CCSER1: variants seen among roughly 807,000 people sequenced by gnomAD.
CCSER1 encodes the protein serine-rich coiled-coil domain-containing protein 1.
In CCSER1, 41 loss-of-function variants were observed where a neutral mutation model predicts 82.0. That is an observed-to-expected ratio of 0.50 (90% CI 0.39 to 0.65). The LOEUF is 0.65. CCSER1 is among the 30% of genes least tolerant of loss of function. The probability of loss-of-function intolerance (pLI) is 0.00; values close to 1 mark genes in which losing one functional copy is unlikely to be tolerated. For synonymous variants in CCSER1, 414 were observed against 383.9 expected (o/e 1.08, Z -0.92); for missense variants, 1,119 against 1,064.2 (o/e 1.05, Z -0.72).
chr4:90,379,698 G>A (rs760035794), intron 3 of CCSER1, among the ~76,000 whole-genome samples: 10 of 152,118 alleles, frequency 6.6e-5, no homozygotes, highest in Non-Finnish European at 1.2e-4. Flanking sequence ...TACAGACACT[G>A]GGATATATAT....
intron 8 of CCSER1, among the ~76,000 whole-genome samples, chr4:90,854,594 A>G (rs1156386302): frequency 6.6e-6 from 1 of 152,168 alleles, no homozygotes; most frequent in Non-Finnish European, 1.5e-5. Context: ...TTTGGCCTGA[A>G]TACTCCACTT....
At position 90,468,220 on chromosome 4, in the gene CCSER1, G is replaced by T. The variant is rs753258145; in HGVS notation, c.1604-14G>T. 8 of 1,579,202 alleles carry T rather than the reference G, an allele frequency of 5.1e-6. No homozygotes were observed. The highest frequency in any genetic ancestry group is 1.3e-5 in the African/African-American group (1 of 74,310). On this transcript the variant is annotated splice_polypyrimidine_tract_variant and intron_variant, in intron 4 of 10. Transcript: ENST00000509176. ...TAATTTTGACATTTACAATTCCTCG[G>T]TTTTTTTGAACAGTTTGCCGGGAGG...
intron 9 of CCSER1, among the ~76,000 whole-genome samples, chr4:91,005,105 A>G (rs35138418): frequency 0.34 from 52,148 of 151,986 alleles, 9,262 homozygotes; most frequent in Non-Finnish European, 0.38. Flanking sequence ...CTCTGGCATC[A>G]CCCTAGGAAA....
At chr4:90,619,267 C>A (rs1414030311) in intron 5 of CCSER1, among the ~76,000 whole-genome samples, 1 of 151,718 alleles carries the variant, frequency 6.6e-6, no homozygotes, top group African/African-American at 2.4e-5. Flanking sequence ...TAAAATTTCC[C>A]AAATAAAATT....
Position 91,562,266 on chromosome 4 carries a change from G to T in CCSER1, c.2218-36306G>T, listed in dbSNP as rs140865833. 3.0e-3 allele frequency among the ~76,000 whole-genome samples: 455 copies of T among 151,300 alleles called. 5 individuals are homozygous for T. Among genetic ancestry groups the T allele is most frequent in the African/African-American group, 0.01 (414 of 41,396 alleles). On this transcript the variant is annotated intron_variant, in intron 10 of 10. Coordinates refer to ENST00000509176, the MANE Select transcript of CCSER1 (RefSeq NM_001145065.2). ...TTGAAGTGTTTTTTTTCAAAATTGTGAACTTTTATGTCTTTAAAATTGGAT... is the reference window on the plus strand; with the variant it reads ...TTGAAGTGTTTTTTTTCAAAATTGTTAACTTTTATGTCTTTAAAATTGGAT...
rs114079727 is a variant in CCSER1 at position 91,585,242 on chromosome 4, G to A, written c.2218-13330G>A. 6.4e-4 allele frequency among the ~76,000 whole-genome samples: 97 copies of A among 151,472 alleles called. 2 individuals carry two copies. Among genetic ancestry groups the A allele is most frequent in the Admixed American group, 5.6e-3 (84 of 15,118 alleles). On this transcript the variant is annotated intron_variant, in intron 10 of 10. Transcript: ENST00000509176. ...CTTACTCCTTATTCGTGATGCCCAG[G>A]ATGCCTTTCTGACTTTTCAGTAATC...
chr4:90,901,996 G>T (rs1309892461), intron 8 of CCSER1, among the ~76,000 whole-genome samples: 4 of 151,316 alleles, frequency 2.6e-5, no homozygotes, highest in South Asian at 2.1e-4. Context: ...AAGTTCTTTT[G>T]GCTTTATTTT....
chr4:90,145,933 TAAAC>T (rs1189857012), intron 1 of CCSER1, among the ~76,000 whole-genome samples: 1 of 152,024 alleles, frequency 6.6e-6, no homozygotes, highest in East Asian at 1.9e-4. Context: ...CATTGACAAA[TAAAC>T]AGCTGAAGAT....
chr4:90,803,680 G>A (rs1024001559), intron 7 of CCSER1, among the ~76,000 whole-genome samples: 25 of 152,090 alleles, frequency 1.6e-4, no homozygotes, highest in African/African-American at 4.1e-4. Flanking sequence ...ATATGTGTGT[G>A]TGTGTCTTTA....
chr4:91,569,370 GAAAGGA>G (rs1763052474), intron 10 of CCSER1, among the ~76,000 whole-genome samples: 1 of 152,166 alleles, frequency 6.6e-6, no homozygotes, highest in Non-Finnish European at 1.5e-5. Flanking sequence ...GGTAGAAGAG[GAAAGGA>G]TCTTAGTAGT....
At chr4:91,556,610 A>AT (rs1762418266) in intron 10 of CCSER1, among the ~76,000 whole-genome samples, 1 of 151,116 alleles carries the variant, frequency 6.6e-6, no homozygotes, top group African/African-American at 2.4e-5. Context: ...ATAAATTAAT[A>AT]ATTACTGGAT....
intron 10 of CCSER1, among the ~76,000 whole-genome samples, chr4:91,369,615 C>T (rs534681312): frequency 1.9e-4 from 28 of 148,732 alleles, no homozygotes; most frequent in African/African-American, 6.6e-4. Context: ...ATTAGACAAA[C>T]CCTTCAAATA....
At chr4:90,453,315 A>G (rs1372807935) in intron 4 of CCSER1, among the ~76,000 whole-genome samples, 1 of 152,214 alleles carries the variant, frequency 6.6e-6, no homozygotes, top group Non-Finnish European at 1.5e-5. Context: ...TAGGGACCAC[A>G]GCCTCATTAA....
At chr4:90,192,033 G>C (rs896980459) in intron 1 of CCSER1, among the ~76,000 whole-genome samples, 7 of 152,074 alleles carry the variant, frequency 4.6e-5, no homozygotes, top group Admixed American at 4.6e-4. Context: ...GAGATTGTGT[G>C]TATTAGTCCG....
chr4:91,477,241 A>C (rs183656370), intron 10 of CCSER1, among the ~76,000 whole-genome samples: 109 of 151,898 alleles, frequency 7.2e-4, no homozygotes, highest in Non-Finnish European at 1.2e-3. Context: ...TAATAATCCA[A>C]TTTAAAAATG....
intron 10 of CCSER1, among the ~76,000 whole-genome samples, chr4:91,196,503 G>A (rs940454825): frequency 6.6e-6 from 1 of 152,108 alleles, no homozygotes; most frequent in East Asian, 1.9e-4. Context: ...AGGAAAGCAG[G>A]AAAAAGATAA....
chr4:90,230,321 T>C (rs1056616101), intron 1 of CCSER1, among the ~76,000 whole-genome samples: 17 of 152,026 alleles, frequency 1.1e-4, no homozygotes, highest in African/African-American at 4.1e-4. Flanking sequence ...AGAAACTCAC[T>C]CAAAACCGCT....
At chr4:90,463,686 A>G (rs545820907) in intron 4 of CCSER1, among the ~76,000 whole-genome samples, 1 of 152,166 alleles carries the variant, frequency 6.6e-6, no homozygotes, top group Non-Finnish European at 1.5e-5. Flanking sequence ...GCAATTTGCC[A>G]ATTAATAGTA....
intron 5 of CCSER1, among the ~76,000 whole-genome samples, chr4:90,499,480 A>G (rs1191165583): frequency 1.4e-4 from 21 of 152,190 alleles, no homozygotes; most frequent in Admixed American, 1.4e-3. Flanking sequence ...TGGTGCTTGA[A>G]TTAAACTCTT....
Sources: gnomAD v4.1 joint callset for allele counts (sites outside exome capture counted in the v4.1 genomes callset) on GRCh38, gnomAD v4.1.1 for gene constraint, MANE v1.5 for transcripts, NCBI Gene and HGNC (gene_info 2026-07-23, HGNC 2026-07-21) for gene names.